The following COMMD1 variants were observed in gnomAD, a reference collection of about 807,000 sequenced individuals.
COMMD1 encodes the protein copper metabolism domain containing 1.
In COMMD1, 10 loss-of-function variants were observed where a neutral mutation model predicts 17.2. The ratio of observed to expected loss-of-function variants is 0.58; its 90% CI spans 0.36 to 0.99. The LOEUF (loss-of-function observed/expected upper bound fraction) is 0.99. Ranked by LOEUF, COMMD1 falls within the 50% of genes least tolerant of loss-of-function variation. COMMD1 has a pLI of 0.01. For synonymous variants in COMMD1, 97 were observed against 91.6 expected, an observed-to-expected ratio of 1.06 and a Z score of -0.34; for missense variants, 270 against 231.8, an observed-to-expected ratio of 1.17 and a Z score of -1.07.
upstream of COMMD1, among the ~76,000 whole-genome samples, chr2:61,900,977 T>TA (rs1669643791): frequency 6.6e-6 from 1 of 152,150 alleles, no homozygotes; most frequent in Admixed American, 6.5e-5. Flanking sequence ...GAGACAGTCT[T>TA]ACTCTGTCAC....
intron 2 of COMMD1, among the ~76,000 whole-genome samples, chr2:62,038,842 C>T (rs1670109362): frequency 6.6e-6 from 1 of 152,072 alleles, no homozygotes; most frequent in African/African-American, 2.4e-5. Context: ...AGGCATCACT[C>T]CTAGCCTGTT....
At chr2:61,910,034 G>C (rs539911962) in intron 1 of COMMD1, among the ~76,000 whole-genome samples, 72 of 152,196 alleles carry the variant, frequency 4.7e-4, no homozygotes, top group African/African-American at 1.6e-3. Context: ...ACCCTCTCTA[G>C]CTTTGCCTGT....
chr2:61,952,183 C>T (rs1025436148), intron 1 of COMMD1, among the ~76,000 whole-genome samples: 1 of 152,166 alleles, frequency 6.6e-6, no homozygotes, highest in Admixed American at 6.5e-5. Context: ...TATAGTTTAA[C>T]CTGAAAGCAA....
At chr2:62,033,876 G>A (rs553698448) in intron 2 of COMMD1, among the ~76,000 whole-genome samples, 252 of 152,076 alleles carry the variant, frequency 1.7e-3, no homozygotes, top group Non-Finnish European at 1.7e-3. Flanking sequence ...TTGGGAGACC[G>A]AGGCAGGAGG....
At chr2:62,124,816 G>T (rs1255138853) in intron 2 of COMMD1, among the ~76,000 whole-genome samples, 1 of 151,966 alleles carries the variant, frequency 6.6e-6, no homozygotes, top group Non-Finnish European at 1.5e-5. Flanking sequence ...TCCCAATTTT[G>T]CCATTTTATA....
chr2:61,917,334 G>A (rs982375347), intron 1 of COMMD1, among the ~76,000 whole-genome samples: 2 of 151,292 alleles, frequency 1.3e-5, no homozygotes, highest in African/African-American at 4.9e-5. Flanking sequence ...TCCAGCCTGG[G>A]AGACAGAGCC....
intron 2 of COMMD1, among the ~76,000 whole-genome samples, chr2:62,016,976 C>T (rs368774885): frequency 6.6e-6 from 1 of 152,132 alleles, no homozygotes; most frequent in South Asian, 2.1e-4. Context: ...GACTTCTGAA[C>T]TTGAAGCTGA....
chr2:62,108,434 C>G (rs1318603054), intron 2 of COMMD1, among the ~76,000 whole-genome samples: 1 of 151,950 alleles, frequency 6.6e-6, no homozygotes, highest in East Asian at 1.9e-4. Flanking sequence ...ATCTTATATA[C>G]CATTTTTAAC....
intron 2 of COMMD1, among the ~76,000 whole-genome samples, chr2:62,128,347 A>AG (rs1553394894): frequency 6.6e-6 from 1 of 151,490 alleles, no homozygotes. Context: ...AAAAAAAAAA[A>AG]CAAAAAAACT....
chr2:62,012,188 C>G (rs1177661784), intron 2 of COMMD1, among the ~76,000 whole-genome samples: 4 of 150,802 alleles, frequency 2.7e-5, no homozygotes, highest in Non-Finnish European at 5.9e-5. Flanking sequence ...ACCCAGGAGG[C>G]GGAGGTTGCA....
intron 2 of COMMD1, among the ~76,000 whole-genome samples, chr2:62,135,255 A>T (rs1329026782): frequency 1.3e-5 from 2 of 152,206 alleles, no homozygotes; most frequent in Admixed American, 1.3e-4. Flanking sequence ...GGATCCAATG[A>T]GATGACAAAG....
chr2:62,135,643 G>A (rs1245549877), intron 2 of COMMD1, among the ~76,000 whole-genome samples, 188 bp from the exon 3 acceptor site: 2 of 152,134 alleles, frequency 1.3e-5, no homozygotes, highest in Admixed American at 1.3e-4. Context: ...GAGCCACTGC[G>A]CCTGGCATAA....
At chr2:61,901,871 G>T (rs1029703943), upstream of COMMD1, among the ~76,000 whole-genome samples, 1 of 152,004 alleles carries the variant, frequency 6.6e-6, no homozygotes, top group Non-Finnish European at 1.5e-5. Context: ...ATCTTGCTCT[G>T]TCACCAGGCT....
rs534051742 is a variant in COMMD1, at chr2:61,980,575, C to T, written c.181-20126C>T. 7.5e-3 allele frequency among the ~76,000 whole-genome samples: 1,047 copies of T among 139,336 alleles called. 15 individuals carry two copies. Among genetic ancestry groups the T allele is most frequent in the African/African-American group, 0.026 (946 of 36,006 alleles). 91.4% of individuals were successfully genotyped at this position (139,336 alleles called of 152,430 possible). On this transcript the variant is annotated intron_variant, in intron 1 of 2. Transcript: ENST00000311832. ...TTGAGAAGTGTCTGTTCATGTCCTTCGCCCACTTTTTGATGGGGTTGTTTG... is the reference window on the plus strand; with the variant it reads ...TTGAGAAGTGTCTGTTCATGTCCTTTGCCCACTTTTTGATGGGGTTGTTTG...
intron 1 of COMMD1, among the ~76,000 whole-genome samples, chr2:61,949,965 G>A (rs1474046046): frequency 1.3e-5 from 2 of 152,132 alleles, no homozygotes; most frequent in Admixed American, 6.5e-5. Context: ...TTCAAGCCAA[G>A]GTCTCAGGAC....
upstream of COMMD1, chr2:61,905,579 C>A (rs1162587217): frequency 5.5e-6 from 7 of 1,263,554 alleles, no homozygotes; most frequent in Non-Finnish European, 6.4e-6. Flanking sequence ...CCAGGTTCCC[C>A]GAGGTTCCCC....
At chr2:62,006,090 C>T (rs2103818273) in intron 2 of COMMD1, among the ~76,000 whole-genome samples, 1 of 149,070 alleles carries the variant, frequency 6.7e-6, no homozygotes, top group South Asian at 2.1e-4. Context: ...TAAACTATCG[C>T]AAGGACAAAA....
intron 1 of COMMD1, among the ~76,000 whole-genome samples, chr2:61,908,585 G>A (rs1406443163): frequency 1.3e-5 from 2 of 151,176 alleles, no homozygotes; most frequent in Non-Finnish European, 2.9e-5. Flanking sequence ...TTTTTGAGAC[G>A]AGTCTCGCTT....
At chr2:61,921,478 C>T (rs1399131442) in intron 1 of COMMD1, among the ~76,000 whole-genome samples, 1 of 151,966 alleles carries the variant, frequency 6.6e-6, no homozygotes, top group East Asian at 1.9e-4. Flanking sequence ...GAGTCTTGCT[C>T]TGTTTCCCAG....
Sources: gnomAD v4.1 joint callset for allele counts (sites outside exome capture counted in the v4.1 genomes callset) on GRCh38, gnomAD v4.1.1 for gene constraint, MANE v1.5 for transcripts, NCBI Gene and HGNC (gene_info 2026-07-23, HGNC 2026-07-21) for gene names.